CALB1: variants seen among roughly 807,000 people sequenced by gnomAD.
The protein encoded by CALB1 is calbindin 1.
A neutral mutation model predicts 46.7 loss-of-function variants in CALB1; 16 were observed. The observed-to-expected ratio is 0.34, with a 90% confidence interval of 0.23 to 0.52. The LOEUF is 0.52. Among genes scored for constraint, CALB1 ranks in the 20% least tolerant of loss-of-function variants. CALB1 has a pLI of 0.95. For missense variants in CALB1, 224 were observed against 300.3 expected (o/e 0.75, Z 1.88); for synonymous variants, 90 against 112.8 (o/e 0.80, Z 1.28).
Position 90,060,736 on chromosome 8 carries a change from T to A in CALB1, c.601-36A>T, listed in dbSNP as rs199901852. 300 of 1,428,682 alleles carry A rather than the reference T, an allele frequency of 2.1e-4. 3 individuals carry two copies. In the South Asian group the frequency reaches 3.2e-3, roughly 15 times the overall value. The allele number at this position is 1,428,682 out of a possible 1,614,324, so 88.5% of individuals were successfully genotyped here. ...AGAAATAAAATAGTATACAACCAAC[T>A]CCATCTACAGTAGTGGGAAATGAAG... On this transcript the variant is annotated intron_variant, in intron 9 of 10. Coordinates refer to ENST00000265431, the MANE Select transcript of CALB1 (RefSeq NM_004929.4).
At position 90,060,210 on chromosome 8, in the gene CALB1, G is replaced by T. The variant is rs768468201; in HGVS notation, c.749C>A (p.Thr250Lys). 19 of 1,613,454 alleles carry T rather than the reference G, an allele frequency of 1.2e-5. No individual in the cohort carries two copies. Among genetic ancestry groups the T allele is most frequent in the Non-Finnish European group, 1.6e-5 (19 of 1,179,568 alleles). ...AGCACAGAGAATAAGAGCAAGATCCGTTCGGTACAGCTTCCCTCCATCCGA... is the reference window on the plus strand; with the variant it reads ...AGCACAGAGAATAAGAGCAAGATCCTTTCGGTACAGCTTCCCTCCATCCGA... ...ALSDGGKLYRTDLALILCAGD... is the reference protein window; with the variant it reads ...ALSDGGKLYRKDLALILCAGD... Residue 250 changes from threonine to lysine, a missense_variant, in exon 11 of 11, where the codon ACG becomes AAG. Transcript: ENST00000265431.
intron 2 of CALB1, among the ~76,000 whole-genome samples, chr8:90,078,938 C>T (rs952642087): frequency 2.0e-5 from 3 of 151,952 alleles, no homozygotes; most frequent in Admixed American, 1.3e-4. Flanking sequence ...GATTAACTCA[C>T]TTTGTAAGCA....
intron 2 of CALB1, 102 bp downstream of exon 2, chr8:90,081,924 A>T: frequency 1.0e-6 from 1 of 961,540 alleles, no homozygotes; most frequent in Non-Finnish European, 1.6e-6. Context: ...CGTTTACATT[A>T]CCCAGAAAGC....
chr8:90,071,629 A>T lies in CALB1; in HGVS notation c.232-2392T>A, dbSNP rs1004928098. On this transcript the variant is annotated intron_variant, in intron 3 of 10. Coordinates refer to ENST00000265431, the MANE Select transcript of CALB1 (RefSeq NM_004929.4). ...AAAGAAGAGGGAACAAAGATGGAAG[A>T]CAATAAAACACATCAAAGAGAAGAA... 6.5e-4 allele frequency among the ~76,000 whole-genome samples: 99 copies of T among 152,234 alleles called. 2 individuals carry two copies. Among genetic ancestry groups the T allele is most frequent in the Admixed American group, 5.5e-3 (84 of 15,282 alleles).
chr8:90,075,621 G>A (rs1814609762), intron 3 of CALB1, among the ~76,000 whole-genome samples: 1 of 152,126 alleles, frequency 6.6e-6, no homozygotes, highest in Non-Finnish European at 1.5e-5. Context: ...TCTGGTTACA[G>A]TAGAGAGCAA....
intron 2 of CALB1, 48 bp downstream of exon 2, chr8:90,081,978 A>G: frequency 6.7e-7 from 1 of 1,502,216 alleles, no homozygotes; most frequent in Non-Finnish European, 9.2e-7. Flanking sequence ...GAATGTTTTA[A>G]TTTGGGGGTT....
chr8:90,082,496 G>A, intron 1 of CALB1, 123 bp downstream of exon 1: 1 of 802,874 alleles, frequency 1.2e-6, no homozygotes, highest in Non-Finnish European at 2.1e-6. Context: ...AGATTAGGCA[G>A]AAGGGGGAAG....
At chr8:90,081,871 C>A (rs942656378) in intron 2 of CALB1, among the ~76,000 whole-genome samples, 155 bp downstream of exon 2, 10 of 151,072 alleles carry the variant, frequency 6.6e-5, no homozygotes, top group African/African-American at 2.4e-4. Context: ...TCTCTGTATT[C>A]GAGTTGGAAA....
chr8:90,066,673 ATTAAC>A (rs1279667555), intron 5 of CALB1, among the ~76,000 whole-genome samples: 3 of 152,104 alleles, frequency 2.0e-5, no homozygotes, highest in African/African-American at 7.2e-5. Flanking sequence ...AAAGATGATT[ATTAAC>A]TTGACACCTG....
intron 5 of CALB1, 86 bp from the exon 6 acceptor site, chr8:90,066,061 C>T (rs1586179079): frequency 2.3e-6 from 2 of 861,548 alleles, no homozygotes; most frequent in African/African-American, 3.4e-5. Flanking sequence ...CAGGACATAC[C>T]AGGAATGCAA....
intron 9 of CALB1, 188 bp from the exon 10 acceptor site, chr8:90,060,888 T>G: frequency 1.7e-6 from 1 of 582,402 alleles, no homozygotes; most frequent in Non-Finnish European, 3.1e-6. Flanking sequence ...TATTAGTTAC[T>G]TCTCATTCAA....
chr8:90,063,547 G>A (rs573858329), intron 6 of CALB1, 86 bp from the exon 7 acceptor site: 22 of 1,108,070 alleles, frequency 2.0e-5, no homozygotes, highest in East Asian at 4.8e-5. Context: ...AGCTGTTTGA[G>A]TTATCAACTA....
In CALB1 at chr8:90,065,890, A is replaced by C. The variant is rs1172401603; in HGVS notation, c.450+8T>G. On this transcript the variant is annotated splice_region_variant and intron_variant, in intron 6 of 10. Coordinates refer to ENST00000265431, the MANE Select transcript of CALB1 (RefSeq NM_004929.4). Reference sequence around the variant, plus strand: ...TCTTGGGTACAATCTTTTCAAGATCAGTCTTACCATTAGGTCTGTATACTC... The same window carrying C: ...TCTTGGGTACAATCTTTTCAAGATCCGTCTTACCATTAGGTCTGTATACTC... The C allele has an allele frequency of 6.3e-7, 1 of 1,579,074 alleles. No homozygotes were observed. Among genetic ancestry groups the C allele is most frequent in the South Asian group, 1.1e-5 (1 of 90,252 alleles).
chr8:90,063,326 G>A lies in CALB1; in HGVS notation c.507-6C>T. On this transcript the variant is annotated splice_polypyrimidine_tract_variant and splice_region_variant and intron_variant, in intron 7 of 10. Transcript: ENST00000265431. ...TCTCCTGCACTGGTAGTAACCTTTTGAGAGAAAAACATTATATTAATATAT... is the reference window on the plus strand; with the variant it reads ...TCTCCTGCACTGGTAGTAACCTTTTAAGAGAAAAACATTATATTAATATAT... 1.3e-6 allele frequency: 2 copies of A among 1,592,198 alleles called. No individual in the cohort carries two copies. Among genetic ancestry groups the A allele is most frequent in the South Asian group, 1.1e-5 (1 of 89,330 alleles).
At position 90,059,176 on chromosome 8, in the gene CALB1, A is replaced by C. The variant is rs972544772; in HGVS notation, c.*997T>G. ...TCTCAATATGAAATATAGAATCCAC[A>C]GAATACACAAAAGTATTGATGATAT... On this transcript the variant is annotated 3_prime_UTR_variant, in exon 11 of 11. Coordinates refer to ENST00000265431, the MANE Select transcript of CALB1 (RefSeq NM_004929.4). The C allele has an allele frequency of 6.6e-6, 1 of 152,668 alleles. No individual in the cohort carries two copies. Among genetic ancestry groups the C allele is most frequent in the Non-Finnish European group, 1.5e-5 (1 of 68,038 alleles). The allele number at this position is 152,668 out of a possible 1,614,324, so 9.5% of individuals were successfully genotyped here. A position where few individuals can be genotyped will look rare whatever the true frequency, so the allele number is the denominator to read the frequency against.
intron 9 of CALB1, chr8:90,062,490 C>CA (rs1814321335): frequency 1.3e-5 from 2 of 151,536 alleles, no homozygotes; most frequent in South Asian, 4.1e-4. Context: ...AACTCAATAG[C>CA]AAAAAATGAA....
At chr8:90,071,841 T>C (rs1157538121) in intron 3 of CALB1, among the ~76,000 whole-genome samples, 1 of 152,208 alleles carries the variant, frequency 6.6e-6, no homozygotes, top group Admixed American at 6.5e-5. Flanking sequence ...TATTTATTAG[T>C]ATGCAACTTG....
intron 5 of CALB1, among the ~76,000 whole-genome samples, chr8:90,067,103 T>C (rs1814414157): frequency 1.3e-5 from 2 of 152,138 alleles, no homozygotes; most frequent in South Asian, 4.1e-4. Context: ...TTGAGCCTTC[T>C]GGGGCTTTTG....
chr8:90,071,884 C>T (rs1005367260), intron 3 of CALB1, among the ~76,000 whole-genome samples: 1 of 152,136 alleles, frequency 6.6e-6, no homozygotes, highest in Admixed American at 6.6e-5. Context: ...GCGTGACCTT[C>T]CTCTAGACCA....
Sources: gnomAD v4.1 joint callset for allele counts (sites outside exome capture counted in the v4.1 genomes callset) on GRCh38, gnomAD v4.1.1 for gene constraint, MANE v1.5 for transcripts, NCBI Gene and HGNC (gene_info 2026-07-23, HGNC 2026-07-21) for gene names.